The following PUDP variants were observed in gnomAD, a reference collection of about 807,000 sequenced individuals.
PUDP encodes the protein pseudouridine-5'-phosphatase.
Under a neutral mutation model 9.4 loss-of-function variants are expected in PUDP, and 8 were observed. The observed-to-expected ratio is 0.85, with a 90% CI of 0.50 to 1.53. The LOEUF (loss-of-function observed/expected upper bound fraction) is 1.53, where lower values mean the gene tolerates loss of function less well. PUDP is among the 40% of genes most tolerant of loss of function. PUDP has a pLI of 0.00. For synonymous variants in PUDP, 99 were observed against 80.7 expected (o/e 1.23, Z -1.22); for missense variants, 188 against 189.7 (o/e 0.99, Z 0.05).
chrX:6,709,011 A>G (rs1401275758), intron 1 of PUDP, among the ~76,000 whole-genome samples: 1 of 112,389 alleles, frequency 8.9e-6, no homozygotes, highest in East Asian at 2.8e-4. Flanking sequence ...CAGTGCATGT[A>G]GAGTTTGTTC....
intron 1 of PUDP, among the ~76,000 whole-genome samples, chrX:6,998,217 G>C (rs1335447817): frequency 9.0e-6 from 1 of 111,315 alleles, no homozygotes; most frequent in Non-Finnish European, 1.9e-5. Context: ...GATGGTGTGG[G>C]AATCAGAGCT....
chrX:7,085,154 G>A (rs1316442509), intron 2 of PUDP: 1 of 112,202 alleles, frequency 8.9e-6, no homozygotes, highest in African/African-American at 3.2e-5. Context: ...AGTAATGCAG[G>A]GTTTCCATTC....
intron 1 of PUDP, among the ~76,000 whole-genome samples, chrX:7,021,904 T>A (rs1342557350): frequency 8.9e-6 from 1 of 112,516 alleles, no homozygotes; most frequent in Non-Finnish European, 1.9e-5. Flanking sequence ...TATGCAAAAT[T>A]AATTACAGCA....
At chrX:7,111,732 G>A (rs1240175009) in intron 1 of PUDP, among the ~76,000 whole-genome samples, 1 of 111,927 alleles carries the variant, frequency 8.9e-6, no homozygotes, top group Non-Finnish European at 1.9e-5. Flanking sequence ...TCTAAAATGG[G>A]ATCCTAATGA....
At chrX:7,115,938 T>A (rs1401422351) in intron 1 of PUDP, among the ~76,000 whole-genome samples, 1 of 112,507 alleles carries the variant, frequency 8.9e-6, no homozygotes. Flanking sequence ...AGGAAGGCAT[T>A]ATTACATTTG....
chrX:7,145,801 C>A (rs1013612425), intron 1 of PUDP, among the ~76,000 whole-genome samples: 1 of 111,478 alleles, frequency 9.0e-6, no homozygotes, highest in Non-Finnish European at 1.9e-5. Flanking sequence ...CCCAAGTATG[C>A]AAGTATTGGG....
upstream of PUDP, among the ~76,000 whole-genome samples, chrX:6,724,830 C>T (rs1331059171): frequency 9.0e-6 from 1 of 111,602 alleles, no homozygotes; most frequent in Non-Finnish European, 1.9e-5. Flanking sequence ...GAAACTGCAG[C>T]TTATCAATAT....
At chrX:6,919,597 C>T (rs1927986476) in intron 3 of PUDP, among the ~76,000 whole-genome samples, 2 of 109,931 alleles carry the variant, frequency 1.8e-5, no homozygotes. Flanking sequence ...CACAAAGACC[C>T]GTAGGTTTCT....
At chrX:6,919,900 A>T (rs1927995334) in intron 3 of PUDP, among the ~76,000 whole-genome samples, 1 of 92,358 alleles carries the variant, frequency 1.1e-5, no homozygotes. Context: ...AAAAAAAAGA[A>T]TGTCTGGAAA....
At position 6,890,935 on chromosome X, in the gene PUDP, C is replaced by CAAAA. The variant is rs764486249; in HGVS notation, c.*247+86194_*247+86197dup. ...GGCACATGATGAGGCCTCATCTCTC[C>CAAAA]AAAAAAAAAAAAAAAAAAAAAAAAA... On this transcript the variant is annotated intron_variant and NMD_transcript_variant, in intron 3 of 3. Transcript: ENST00000655425. Among the ~76,000 whole-genome samples, 21 of 33,135 alleles carry CAAAA rather than the reference C, an allele frequency of 6.3e-4. 1 individual carries two copies. The highest frequency in any genetic ancestry group is 1.6e-3 in the African/African-American group (11 of 6,751). The allele number at this position is 33,135 out of a possible 115,157, so 28.8% of individuals were successfully genotyped here.
chrX:7,083,447 C>A (rs1434322176), intron 2 of PUDP, among the ~76,000 whole-genome samples: 2 of 111,427 alleles, frequency 1.8e-5, no homozygotes, highest in African/African-American at 6.5e-5. Context: ...AAGAACAATT[C>A]CCAGAAGAAG....
At chrX:6,740,217 A>C (rs1363579117) in intron 3 of PUDP, among the ~76,000 whole-genome samples, 1 of 111,457 alleles carries the variant, frequency 9.0e-6, no homozygotes, top group Non-Finnish European at 1.9e-5. Flanking sequence ...GAAATGCAGC[A>C]CTGGTGTTTG....
At chrX:6,946,801 A>G (rs758577919) in intron 3 of PUDP, among the ~76,000 whole-genome samples, 16 of 112,190 alleles carry the variant, frequency 1.4e-4, no homozygotes, top group African/African-American at 5.2e-4. Flanking sequence ...TAAAGTATGG[A>G]AGGTCACACA....
chrX:7,091,033 T>C (rs1173968800), intron 2 of PUDP, among the ~76,000 whole-genome samples: 2 of 112,120 alleles, frequency 1.8e-5, no homozygotes, highest in East Asian at 2.8e-4. Context: ...TACGTTGATA[T>C]GAGAAAGAAG....
At chrX:6,958,122 C>G (rs1192743509) in intron 3 of PUDP, among the ~76,000 whole-genome samples, 1 of 112,281 alleles carries the variant, frequency 8.9e-6, no homozygotes, top group Non-Finnish European at 1.9e-5. Context: ...TATAACCTTA[C>G]GCGTCCACCC....
At chrX:7,070,836 C>T (rs1018383553) in intron 3 of PUDP, among the ~76,000 whole-genome samples, 1 of 112,145 alleles carries the variant, frequency 8.9e-6, no homozygotes, top group African/African-American at 3.2e-5. Flanking sequence ...CCTTGGCCTC[C>T]CAAAGTGCTG....
chrX:6,980,579 G>A (rs891928975), intron 1 of PUDP, among the ~76,000 whole-genome samples: 4 of 109,445 alleles, frequency 3.7e-5, no homozygotes, highest in Non-Finnish European at 7.6e-5. Context: ...TCTGTTATCA[G>A]TTTTGCAGCA....
intron 3 of PUDP, among the ~76,000 whole-genome samples, chrX:6,958,235 G>GGA (rs1420462940): frequency 1.8e-5 from 2 of 111,730 alleles, no homozygotes; most frequent in African/African-American, 6.5e-5. Flanking sequence ...CAAAGGTAGA[G>GGA]GAGAACAAAG....
At chrX:6,804,814 C>A (rs972056722) in intron 3 of PUDP, among the ~76,000 whole-genome samples, 1 of 111,877 alleles carries the variant, frequency 8.9e-6, no homozygotes, top group Non-Finnish European at 1.9e-5. Context: ...CAAACTGAAC[C>A]AATTTTGTTT....
Sources: allele counts gnomAD v4.1 joint callset (sites outside exome capture counted in the v4.1 genomes callset), GRCh38; gene constraint gnomAD v4.1.1; transcripts MANE v1.5; gene names NCBI Gene and HGNC (gene_info 2026-07-23, HGNC 2026-07-21).